NCAM2: variants seen among roughly 807,000 people sequenced by gnomAD.
The protein encoded by NCAM2 is neural cell adhesion molecule 2, also known as N-CAM-2.
Under a neutral mutation model 98.1 loss-of-function variants are expected in NCAM2, and 30 were observed. That is an observed-to-expected ratio of 0.31 (90% CI 0.23 to 0.41). The LOEUF (loss-of-function observed/expected upper bound fraction) is 0.41, where lower values mean the gene tolerates loss of function less well. NCAM2 is among the 10% of genes least tolerant of loss of function. The pLI is 1.00. For synonymous variants in NCAM2, 368 were observed against 342.4 expected (o/e 1.07, Z -0.83); for missense variants, 867 against 1,005.8 (o/e 0.86, Z 1.87).
intron 1 of NCAM2, among the ~76,000 whole-genome samples, chr21:21,121,629 T>G (rs1460125529): frequency 1.3e-5 from 2 of 152,220 alleles, no homozygotes; most frequent in Non-Finnish European, 2.9e-5. Flanking sequence ...TCTTTGAGGT[T>G]CAGAATCCTT....
intron 1 of NCAM2, among the ~76,000 whole-genome samples, chr21:21,125,460 A>AATATATAATATTTTACATATATAT: frequency 1.2e-4 from 1 of 8,598 alleles, no homozygotes; most frequent in East Asian, 5.7e-3. Flanking sequence ...ACATATATAG[A>AATATATAATATTTTACATATATAT]GACAGATATA....
intron 1 of NCAM2, among the ~76,000 whole-genome samples, chr21:21,246,724 A>G (rs2147265309): frequency 6.6e-6 from 1 of 152,334 alleles, no homozygotes. Flanking sequence ...TTATCTGTTC[A>G]ATGTAATTTT....
At chr21:21,162,637 T>C (rs546983989) in intron 1 of NCAM2, among the ~76,000 whole-genome samples, 160 of 152,226 alleles carry the variant, frequency 1.1e-3, no homozygotes, top group African/African-American at 3.7e-3. Context: ...AAGTCCAAAG[T>C]GTGCATTACT....
chr21:21,027,700 G>A (rs1016831090), intron 1 of NCAM2, among the ~76,000 whole-genome samples: 6 of 152,066 alleles, frequency 3.9e-5, no homozygotes, highest in African/African-American at 7.2e-5. Flanking sequence ...TGTTTAGCCT[G>A]GATACGTCAT....
chr21:21,111,772 G>A (rs982595945), intron 1 of NCAM2, among the ~76,000 whole-genome samples: 3 of 152,104 alleles, frequency 2.0e-5, no homozygotes, highest in East Asian at 1.9e-4. Context: ...GGTAGCGGGG[G>A]TCGTTTCAGG....
At chr21:21,324,250 A>G in intron 5 of NCAM2, 133 bp from the exon 6 acceptor site, 2 of 601,206 alleles carry the variant, frequency 3.3e-6, no homozygotes, top group Non-Finnish European at 5.8e-6. Context: ...CTGTGAAACC[A>G]AATCAGTTTC....
intron 2 of NCAM2, among the ~76,000 whole-genome samples, chr21:21,281,818 CTT>C (rs1415480614): frequency 1.3e-5 from 2 of 151,520 alleles, no homozygotes; most frequent in African/African-American, 4.8e-5. Context: ...TAAAAATTGT[CTT>C]GAGAATGACA....
intron 15 of NCAM2, among the ~76,000 whole-genome samples, chr21:21,496,772 C>A (rs1490407205): frequency 1.3e-5 from 2 of 152,036 alleles, no homozygotes; most frequent in Non-Finnish European, 2.9e-5. Flanking sequence ...TTTAATCCAT[C>A]CCGAGTTAAG....
At chr21:21,066,857 A>G (rs2065450306) in intron 1 of NCAM2, among the ~76,000 whole-genome samples, 1 of 152,018 alleles carries the variant, frequency 6.6e-6, no homozygotes, top group Admixed American at 6.6e-5. Context: ...AAATAACTGA[A>G]TTACTGTGTT....
chr21:21,448,129 G>A (rs1980469316), intron 12 of NCAM2, among the ~76,000 whole-genome samples: 1 of 152,046 alleles, frequency 6.6e-6, no homozygotes, highest in Admixed American at 6.6e-5. Context: ...CAATAGCAAA[G>A]TCACGGAGCC....
chr21:21,130,645 C>G (rs985035323), intron 1 of NCAM2, among the ~76,000 whole-genome samples: 1 of 152,028 alleles, frequency 6.6e-6, no homozygotes, highest in Non-Finnish European at 1.5e-5. Flanking sequence ...TTTAAAACAT[C>G]TTTGCCAAAT....
At chr21:21,054,933 C>T (rs552989798) in intron 1 of NCAM2, among the ~76,000 whole-genome samples, 4 of 151,990 alleles carry the variant, frequency 2.6e-5, no homozygotes, top group African/African-American at 7.2e-5. Context: ...TATGTAGAAA[C>T]GAAGTTGGCT....
intron 1 of NCAM2, among the ~76,000 whole-genome samples, chr21:21,171,551 T>G (rs932126062): frequency 6.6e-6 from 1 of 152,180 alleles, no homozygotes; most frequent in Non-Finnish European, 1.5e-5. Flanking sequence ...AATTTTCTCA[T>G]ACTGGTTCCC....
chr21:21,303,010 A>G (rs1313523540), intron 5 of NCAM2, among the ~76,000 whole-genome samples: 2 of 152,128 alleles, frequency 1.3e-5, no homozygotes, highest in Non-Finnish European at 2.9e-5. Flanking sequence ...CTGAAAACCA[A>G]TACCACATAT....
At chr21:21,033,575 C>T (rs1318645880) in intron 1 of NCAM2, among the ~76,000 whole-genome samples, 1 of 151,980 alleles carries the variant, frequency 6.6e-6, no homozygotes, top group Admixed American at 6.6e-5. Flanking sequence ...CCCCCCAAAA[C>T]AATGGCGTGA....
At chr21:21,286,234 T>C in intron 3 of NCAM2, 35 bp from the exon 4 acceptor site, 1 of 1,539,852 alleles carries the variant, frequency 6.5e-7, no homozygotes, top group Non-Finnish European at 8.8e-7. Context: ...TTTTGTGATT[T>C]GTGATTTGTG....
chr21:21,259,011 T>C (rs954585668), intron 1 of NCAM2, among the ~76,000 whole-genome samples: 4 of 152,108 alleles, frequency 2.6e-5, no homozygotes, highest in African/African-American at 4.8e-5. Flanking sequence ...AGGGTCATCA[T>C]TGTGCCTTGC....
chr21:21,196,353 G>T (rs1201307148), intron 1 of NCAM2, among the ~76,000 whole-genome samples: 1 of 152,216 alleles, frequency 6.6e-6, no homozygotes, highest in East Asian at 1.9e-4. Context: ...ACTCTGGTGA[G>T]CCATTTCGGT....
chr21:21,028,461 A>C (rs1235796414), intron 1 of NCAM2, among the ~76,000 whole-genome samples: 1 of 152,222 alleles, frequency 6.6e-6, no homozygotes, highest in Admixed American at 6.5e-5. Flanking sequence ...ACACTTCATA[A>C]ACAGACCTTC....
Sources: allele counts gnomAD v4.1 joint callset (sites outside exome capture counted in the v4.1 genomes callset), GRCh38; gene constraint gnomAD v4.1.1; transcripts MANE v1.5; gene names NCBI Gene and HGNC (gene_info 2026-07-23, HGNC 2026-07-21).